The following CMTM4 variants were observed in gnomAD, a reference collection of about 807,000 sequenced individuals.
CMTM4 encodes the protein CKLF like MARVEL transmembrane domain containing 4.
CMTM4 carries 8 observed loss-of-function variants against 19.0 expected under a neutral mutation model. The observed-to-expected ratio is 0.42, with a 90% confidence interval of 0.25 to 0.76. The LOEUF is 0.76. CMTM4 is among the 30% of genes least tolerant of loss of function. The pLI is 0.27. For missense variants in CMTM4, 228 were observed against 290.2 expected (o/e 0.79, Z 1.56); for synonymous variants, 106 against 121.1 (o/e 0.88, Z 0.82).
intron 1 of CMTM4, among the ~76,000 whole-genome samples, chr16:66,693,487 ACTT>A (rs1403441443): frequency 2.0e-5 from 3 of 152,122 alleles, no homozygotes; most frequent in Non-Finnish European, 4.4e-5. Flanking sequence ...CTTCATAATG[ACTT>A]CTTATTTTCT....
the CMTM4 span, among the ~76,000 whole-genome samples, chr16:66,603,549 C>G: frequency 6.6e-6 from 1 of 152,116 alleles, no homozygotes; most frequent in African/African-American, 2.4e-5. Flanking sequence ...AGCCTCCCAA[C>G]GTGCTGGGAT....
At chr16:66,657,242 G>A (rs1299994576) in intron 1 of CMTM4, among the ~76,000 whole-genome samples, 6 of 151,978 alleles carry the variant, frequency 3.9e-5, no homozygotes, top group Admixed American at 2.6e-4. Context: ...CCGCTACCAC[G>A]TCCGGCTAAT....
the CMTM4 span, chr16:66,605,156 C>A: frequency 2.2e-6 from 1 of 462,722 alleles, no homozygotes; most frequent in Non-Finnish European, 3.7e-6. The surrounding 1 kb of genome is among the most constrained non-coding windows in gnomAD (Gnocchi z 4.6). Context: ...GGCCCGAGCC[C>A]AGGCCATCCG....
chr16:66,658,699 C>T (rs1225531168), intron 1 of CMTM4, among the ~76,000 whole-genome samples: 2 of 152,106 alleles, frequency 1.3e-5, no homozygotes, highest in East Asian at 1.9e-4. Context: ...TAGCAGCATC[C>T]CTGGCCTCCA....
chr16:66,693,922 T>C (rs1218608477), intron 1 of CMTM4, among the ~76,000 whole-genome samples: 1 of 151,900 alleles, frequency 6.6e-6, no homozygotes, highest in Non-Finnish European at 1.5e-5. Context: ...CTTGGGAGGC[T>C]GAGGTGGGTG....
At chr16:66,680,499 G>A (rs1238883425) in intron 1 of CMTM4, among the ~76,000 whole-genome samples, 3 of 148,244 alleles carry the variant, frequency 2.0e-5, no homozygotes, top group Non-Finnish European at 1.5e-5. Flanking sequence ...AAAAGGTCGG[G>A]CATGGTGGCT....
Position 66,621,544 on chromosome 16 carries a change from G to T in CMTM4, c.*514C>A. ...GACATCAGCTTTCCCCAGCCCTGTG[G>T]CCTTTGGGCTGGTGCTGGCTGCCTG... On this transcript the variant is annotated 3_prime_UTR_variant, in exon 4 of 4. Transcript: ENST00000394106. The T allele has an allele frequency of 4.0e-6, 4 of 988,244 alleles. No homozygotes were observed. The highest frequency in any genetic ancestry group is 4.8e-6 in the Non-Finnish European group (4 of 831,356). 61.2% of individuals were successfully genotyped at this position (988,244 alleles called of 1,614,324 possible).
intron 1 of CMTM4, among the ~76,000 whole-genome samples, chr16:66,679,036 T>C (rs1006904471): frequency 6.6e-6 from 1 of 151,248 alleles, no homozygotes; most frequent in Non-Finnish European, 1.5e-5. Flanking sequence ...GAGACAGAGG[T>C]TGCAGTATGT....
At chr16:66,640,442 C>A (rs183177999) in intron 1 of CMTM4, among the ~76,000 whole-genome samples, 1 of 152,240 alleles carries the variant, frequency 6.6e-6, no homozygotes, top group African/African-American at 2.4e-5. Flanking sequence ...AAGGTGAGAT[C>A]CCTGGGAAGG....
intron 2 of CMTM4, among the ~76,000 whole-genome samples, chr16:66,626,546 C>T (rs2015743068): frequency 6.6e-6 from 1 of 152,110 alleles, no homozygotes; most frequent in Non-Finnish European, 1.5e-5. Flanking sequence ...GCGGAGATTG[C>T]AATGAGCCAA....
rs534553494 is a variant in CMTM4 at position 66,638,666 on chromosome 16, C to T, written c.187-2085G>A. Among the ~76,000 whole-genome samples the T allele has an allele frequency of 2.5e-3, 376 of 152,150 alleles. 1 individual carries two copies. Among genetic ancestry groups the T allele is most frequent in the Non-Finnish European group, 3.5e-3 (237 of 67,996 alleles). On this transcript the variant is annotated intron_variant, in intron 1 of 3. Transcript: ENST00000394106. Reference sequence around the variant, plus strand: ...CTGAGGTCAGGAGTTCGAGACCAGCCTGATTAACACGGTGAAACCCCGTCT... The same window carrying T: ...CTGAGGTCAGGAGTTCGAGACCAGCTTGATTAACACGGTGAAACCCCGTCT...
chr16:66,646,439 A>G (rs1386639746), intron 1 of CMTM4, among the ~76,000 whole-genome samples: 2 of 152,192 alleles, frequency 1.3e-5, no homozygotes, highest in African/African-American at 4.8e-5. Flanking sequence ...GTATGTAAAT[A>G]TATCACATGT....
intron 1 of CMTM4, among the ~76,000 whole-genome samples, chr16:66,651,446 G>A (rs2144841157): frequency 6.6e-6 from 1 of 152,280 alleles, no homozygotes; most frequent in African/African-American, 2.4e-5. Flanking sequence ...AGGTAAGGAA[G>A]CTACAGGGCT....
intron 1 of CMTM4, among the ~76,000 whole-genome samples, chr16:66,680,797 A>AC (rs1168607780): frequency 6.8e-6 from 1 of 147,766 alleles, no homozygotes; most frequent in East Asian, 2.1e-4. Flanking sequence ...AAAAAAAAAA[A>AC]AAACCATAAT....
chr16:66,636,760 T>C (rs2016000052), intron 1 of CMTM4, among the ~76,000 whole-genome samples, 179 bp from the exon 2 acceptor site: 1 of 152,072 alleles, frequency 6.6e-6, no homozygotes, highest in Non-Finnish European at 1.5e-5. Flanking sequence ...AAAGAATAGG[T>C]GCAGGGGTCT....
rs1268074875 is a variant in CMTM4 at position 66,619,982 on chromosome 16, A to G, written c.*2076T>C. The G allele has an allele frequency of 7.1e-6, 7 of 985,302 alleles. No homozygotes were observed. Among genetic ancestry groups the G allele is most frequent in the African/African-American group, 3.5e-5 (2 of 57,240 alleles). 61.0% of individuals were successfully genotyped at this position (985,302 alleles called of 1,614,324 possible). On this transcript the variant is annotated 3_prime_UTR_variant, in exon 4 of 4. Coordinates refer to ENST00000394106, the MANE Select transcript of CMTM4 (RefSeq NM_181521.3). ...CTGACAACATATCCTCAGGAGGCCA[A>G]CCACCTGCCCCCCTCTTTCACCAGA...
At chr16:66,601,663 G>A in the CMTM4 span, among the ~76,000 whole-genome samples, 65 of 152,222 alleles carry the variant, frequency 4.3e-4, no homozygotes, top group African/African-American at 1.3e-3. Flanking sequence ...GAATCTGTCC[G>A]CCTCCTGCTG....
intron 1 of CMTM4, among the ~76,000 whole-genome samples, chr16:66,648,886 C>A (rs745419887): frequency 6.6e-6 from 1 of 152,024 alleles, no homozygotes; most frequent in African/African-American, 2.4e-5. Flanking sequence ...GCAGGAGAAT[C>A]GCTTGAACCC....
chr16:66,606,193 TC>T, the CMTM4 span, among the ~76,000 whole-genome samples: 4 of 151,750 alleles, frequency 2.6e-5, no homozygotes, highest in African/African-American at 7.3e-5. Flanking sequence ...CACTCCTGCC[TC>T]CCTAGTCCCC....
Sources: allele counts gnomAD v4.1 joint callset (sites outside exome capture counted in the v4.1 genomes callset), GRCh38; gene constraint gnomAD v4.1.1; non-coding constraint Gnocchi (gnomAD v3.1); transcripts MANE v1.5; gene names NCBI Gene and HGNC (gene_info 2026-07-23, HGNC 2026-07-21).